Variants in RGS7 observed in about 807,000 individuals in gnomAD.
RGS7 encodes the protein regulator of G-protein signaling 7.
RGS7 carries 27 observed loss-of-function variants against 81.1 expected under a neutral mutation model. That is an observed-to-expected ratio of 0.33 (90% CI 0.25 to 0.46). The LOEUF (loss-of-function observed/expected upper bound fraction) is 0.46. Ranked by LOEUF, RGS7 falls within the 20% of genes least tolerant of loss-of-function variation. The pLI, the probability that RGS7 is intolerant of heterozygous loss-of-function variation, is 1.00. For synonymous variants in RGS7, 208 were observed against 207.7 expected, an observed-to-expected ratio of 1.00 and a Z score of -0.01; for missense variants, 396 against 607.4, an observed-to-expected ratio of 0.65 and a Z score of 3.66.
intron 3 of RGS7, among the ~76,000 whole-genome samples, chr1:240,994,544 T>C (rs1686981955): frequency 6.6e-6 from 1 of 152,162 alleles, no homozygotes; most frequent in South Asian, 2.1e-4. Flanking sequence ...TGGACTCGAT[T>C]CTTAGTTCTA....
chr1:241,175,608 CA>C (rs2071076058), intron 2 of RGS7, among the ~76,000 whole-genome samples: 1 of 152,088 alleles, frequency 6.6e-6, no homozygotes, highest in African/African-American at 2.4e-5. Context: ...TGATAAATAC[CA>C]TAAGAGGGCA....
At chr1:241,193,740 G>C (rs1445342936) in intron 2 of RGS7, among the ~76,000 whole-genome samples, 1 of 152,154 alleles carries the variant, frequency 6.6e-6, no homozygotes, top group African/African-American at 2.4e-5. Context: ...TTAAGACTGA[G>C]ACTTCTGCTA....
intron 3 of RGS7, among the ~76,000 whole-genome samples, chr1:240,987,628 T>A (rs181553938): frequency 6.6e-6 from 1 of 151,806 alleles, no homozygotes; most frequent in Non-Finnish European, 1.5e-5. Flanking sequence ...GCTCAAGCAA[T>A]TCCCCCTGTC....
At chr1:241,063,544 G>A (rs940910933) in intron 3 of RGS7, among the ~76,000 whole-genome samples, 3 of 152,200 alleles carry the variant, frequency 2.0e-5, no homozygotes, top group South Asian at 2.1e-4. Flanking sequence ...TTAAACACAG[G>A]GCCTGTTCTC....
chr1:241,136,288 A>C (rs1215930770), intron 2 of RGS7, among the ~76,000 whole-genome samples: 1 of 152,208 alleles, frequency 6.6e-6, no homozygotes. Flanking sequence ...ACTGATTTCA[A>C]GGCCCAGCTC....
At chr1:240,814,629 C>A in intron 12 of RGS7, 87 bp downstream of exon 12, 1 of 840,868 alleles carries the variant, frequency 1.2e-6, no homozygotes, top group Non-Finnish European at 2.1e-6. Context: ...GTCCCAACTC[C>A]TGTCCCCACA....
chr1:240,936,786 G>T (rs1437993953), intron 4 of RGS7, 80 bp from the exon 5 acceptor site: 9 of 1,063,946 alleles, frequency 8.5e-6, no homozygotes, highest in East Asian at 4.8e-5. Context: ...TTTTTGTGTG[G>T]TTCCTTTTGT....
intron 6 of RGS7, among the ~76,000 whole-genome samples, chr1:240,870,321 A>T (rs1664256528): frequency 6.6e-6 from 1 of 152,198 alleles, no homozygotes; most frequent in Admixed American, 6.5e-5. Context: ...TAATAAAATA[A>T]ATATGCTAAG....
At chr1:240,886,415 G>A (rs531733539) in intron 6 of RGS7, among the ~76,000 whole-genome samples, 17 of 152,258 alleles carry the variant, frequency 1.1e-4, no homozygotes, top group African/African-American at 4.1e-4. Flanking sequence ...ATTATTCGTT[G>A]AATATTTTGG....
At chr1:241,112,329 A>T (rs901101854) in intron 2 of RGS7, among the ~76,000 whole-genome samples, 1 of 152,194 alleles carries the variant, frequency 6.6e-6, no homozygotes, top group Non-Finnish European at 1.5e-5. Context: ...AAGAGTAATT[A>T]AAGGGATGAC....
At chr1:241,241,640 C>T (rs1005734048) in intron 2 of RGS7, among the ~76,000 whole-genome samples, 2 of 152,004 alleles carry the variant, frequency 1.3e-5, no homozygotes, top group Non-Finnish European at 2.9e-5. Flanking sequence ...GATTTTGTGA[C>T]CTCAAAGTAT....
intron 4 of RGS7, among the ~76,000 whole-genome samples, chr1:240,960,522 G>T (rs553153139): frequency 6.8e-6 from 1 of 147,306 alleles, no homozygotes; most frequent in South Asian, 2.2e-4. Context: ...GATTACAGGC[G>T]TGAGCCACTG....
intron 4 of RGS7, among the ~76,000 whole-genome samples, chr1:240,947,404 T>C (rs939944847): frequency 1.3e-5 from 2 of 152,200 alleles, no homozygotes; most frequent in Non-Finnish European, 2.9e-5. Context: ...CATGTCAAAA[T>C]TGAATTGTTG....
At chr1:241,013,472 G>A (rs550027871) in intron 3 of RGS7, among the ~76,000 whole-genome samples, 100 of 152,228 alleles carry the variant, frequency 6.6e-4, no homozygotes, top group Non-Finnish European at 5.9e-5. Flanking sequence ...TCTTCCAAAG[G>A]TGTCCCAGCT....
intron 2 of RGS7, among the ~76,000 whole-genome samples, chr1:241,133,929 A>G (rs1009037064): frequency 3.9e-5 from 6 of 152,030 alleles, no homozygotes; most frequent in African/African-American, 1.4e-4. Context: ...GGAGAGAGAG[A>G]GGCAGAGGGA....
intron 15 of RGS7, among the ~76,000 whole-genome samples, chr1:240,804,984 GT>G (rs140912899): frequency 6.6e-6 from 1 of 152,174 alleles, no homozygotes; most frequent in Non-Finnish European, 1.5e-5. Context: ...AGTAATGTGT[GT>G]TTTTTAAAAG....
chr1:241,136,426 T>C (rs1487876252), intron 2 of RGS7, among the ~76,000 whole-genome samples: 1 of 152,088 alleles, frequency 6.6e-6, no homozygotes, highest in Non-Finnish European at 1.5e-5. Context: ...TGTGAAAACC[T>C]GCCCTAGTGT....
At chr1:241,266,956 T>G (rs986939848) in intron 2 of RGS7, among the ~76,000 whole-genome samples, 1 of 152,230 alleles carries the variant, frequency 6.6e-6, no homozygotes, top group Non-Finnish European at 1.5e-5. Flanking sequence ...GGCCTCTGTA[T>G]GTACCGTGAT....
chr1:241,011,341 T>C (rs979042538), intron 3 of RGS7, among the ~76,000 whole-genome samples: 2 of 152,116 alleles, frequency 1.3e-5, no homozygotes, highest in Non-Finnish European at 2.9e-5. Context: ...CCTCATAGAA[T>C]GGCAGAGAGC....
Sources: allele counts gnomAD v4.1 joint callset (sites outside exome capture counted in the v4.1 genomes callset), GRCh38; gene constraint gnomAD v4.1.1; transcripts MANE v1.5; gene names NCBI Gene and HGNC (gene_info 2026-07-23, HGNC 2026-07-21).